SIPA1L3: variants seen among roughly 807,000 people sequenced by gnomAD.
SIPA1L3 encodes signal-induced proliferation-associated 1-like protein 3.
A neutral mutation model predicts 150.1 loss-of-function variants in SIPA1L3; 59 were observed. The observed-to-expected ratio is 0.39, with a 90% confidence interval of 0.32 to 0.49. SIPA1L3 has a LOEUF of 0.49. Ranked by LOEUF, SIPA1L3 falls within the 20% of genes least tolerant of loss-of-function variation. The pLI, the probability that SIPA1L3 is intolerant of heterozygous loss-of-function variation, is 0.86. For missense variants in SIPA1L3, 2,211 were observed against 2,489.5 expected (o/e 0.89, Z 2.38); for synonymous variants, 1,070 against 1,077.6 (o/e 0.99, Z 0.14).
chr19:38,075,427 G>T (rs1969816649), intron 2 of SIPA1L3, among the ~76,000 whole-genome samples: 1 of 151,930 alleles, frequency 6.6e-6, no homozygotes, highest in African/African-American at 2.4e-5. Flanking sequence ...CTGCACTCCA[G>T]CCTGGGTGAC....
intron 8 of SIPA1L3, among the ~76,000 whole-genome samples, chr19:38,117,885 A>G (rs924248804): frequency 6.6e-6 from 1 of 151,854 alleles, no homozygotes; most frequent in African/African-American, 2.4e-5. Context: ...TCCTAGATTC[A>G]AGTGATTCTC....
intron 1 of SIPA1L3, among the ~76,000 whole-genome samples, chr19:37,957,365 G>A (rs1217190481): frequency 1.3e-5 from 2 of 152,160 alleles, no homozygotes; most frequent in African/African-American, 4.8e-5. Flanking sequence ...TCAATATGGT[G>A]AGAATTGCCA....
At chr19:38,184,215 G>C (rs539539175) in intron 16 of SIPA1L3, among the ~76,000 whole-genome samples, 1 of 150,550 alleles carries the variant, frequency 6.6e-6, no homozygotes, top group African/African-American at 2.4e-5. Flanking sequence ...TTTCATTCTT[G>C]TTGCCCAGGC....
chr19:37,978,121 G>T (rs1329453976), intron 1 of SIPA1L3, among the ~76,000 whole-genome samples: 1 of 152,256 alleles, frequency 6.6e-6, no homozygotes, highest in Non-Finnish European at 1.5e-5. Context: ...CGGTGTGACA[G>T]TTGAGGGCAG....
chr19:38,045,988 TTTCA>T (rs1224518668), intron 2 of SIPA1L3, among the ~76,000 whole-genome samples: 18 of 152,300 alleles, frequency 1.2e-4, no homozygotes, highest in African/African-American at 4.3e-4. Context: ...CTGTGTGCAC[TTTCA>T]AGCCTTGATG....
intron 1 of SIPA1L3, among the ~76,000 whole-genome samples, chr19:38,021,544 CTTT>C (rs34706897): frequency 3.5e-5 from 5 of 143,474 alleles, no homozygotes; most frequent in African/African-American, 1.3e-4. Flanking sequence ...GAGTCTGATC[CTTT>C]TTTTTTTTTT....
chr19:37,944,433 AG>A (rs2046691132), intron 1 of SIPA1L3, among the ~76,000 whole-genome samples: 1 of 152,156 alleles, frequency 6.6e-6, no homozygotes, highest in African/African-American at 2.4e-5. Flanking sequence ...CCTGGGTTCA[AG>A]TCCTAGTATT....
At chr19:37,943,062 CAG>C (rs907451053) in intron 1 of SIPA1L3, among the ~76,000 whole-genome samples, 2 of 110,848 alleles carry the variant, frequency 1.8e-5, no homozygotes, top group African/African-American at 7.3e-5. Context: ...TTTGTAGAGA[CAG>C]GGTCTTGCTG....
chr19:37,944,505 C>T (rs1458754205), intron 1 of SIPA1L3, among the ~76,000 whole-genome samples: 1 of 152,094 alleles, frequency 6.6e-6, no homozygotes, highest in African/African-American at 2.4e-5. Context: ...TTGATTTCTC[C>T]ATCTTTAAAA....
intron 1 of SIPA1L3, among the ~76,000 whole-genome samples, chr19:37,930,733 T>G (rs1273348540): frequency 6.6e-6 from 1 of 152,144 alleles, no homozygotes; most frequent in Non-Finnish European, 1.5e-5. Context: ...TGTCTTAGTT[T>G]CCGTATCTGT....
Position 38,206,428 on chromosome 19 carries a change from C to A in SIPA1L3, c.*188C>A. On this transcript the variant is annotated 3_prime_UTR_variant, in exon 22 of 22. Coordinates refer to ENST00000222345, the MANE Select transcript of SIPA1L3 (RefSeq NM_015073.3). The stretch of plus-strand genomic sequence containing the variant: ...AGGGTCAGCGCGCACAGCCCTCATG[C>A]CCCAGAGGGCGAAGTGGTCTCAGGC... 4.6e-6 allele frequency: 3 copies of A among 646,012 alleles called. No individual in the cohort carries two copies. The highest frequency in any genetic ancestry group is 3.2e-5 in the East Asian group (1 of 31,240). 40.0% of individuals were successfully genotyped at this position (646,012 alleles called of 1,614,324 possible).
At chr19:37,948,478 A>G (rs1259540434) in intron 1 of SIPA1L3, among the ~76,000 whole-genome samples, 2 of 152,046 alleles carry the variant, frequency 1.3e-5, no homozygotes, top group African/African-American at 2.4e-5. Context: ...AAAAAAAGAA[A>G]AAAAAAAAAA....
intron 1 of SIPA1L3, among the ~76,000 whole-genome samples, chr19:37,972,315 T>C (rs1179171325): frequency 1.3e-5 from 2 of 152,126 alleles, no homozygotes; most frequent in Non-Finnish European, 2.9e-5. Context: ...AATACGAAGA[T>C]AAATTTGTGA....
rs150424036 is a variant in SIPA1L3, at chr19:38,005,973, C to G, written c.-378-23116C>G. On this transcript the variant is annotated intron_variant, in intron 1 of 21. Coordinates refer to ENST00000222345, the MANE Select transcript of SIPA1L3 (RefSeq NM_015073.3). Reference sequence around the variant, plus strand: ...TGAGGGGGGAAGATTGCTTAAGCCCCCGAGGTTGAGCTATGATCCCACCAC... The same window carrying G: ...TGAGGGGGGAAGATTGCTTAAGCCCGCGAGGTTGAGCTATGATCCCACCAC... 9.7e-4 allele frequency among the ~76,000 whole-genome samples: 147 copies of G among 152,250 alleles called. 2 individuals are homozygous for G. The East Asian group carries it at 0.019, about 20-fold the overall frequency.
chr19:38,039,233 T>C (rs1968856057), intron 2 of SIPA1L3, among the ~76,000 whole-genome samples: 1 of 152,076 alleles, frequency 6.6e-6, no homozygotes, highest in South Asian at 2.1e-4. Context: ...AAAAAAGAAA[T>C]CAAAGGACCC....
intron 3 of SIPA1L3, among the ~76,000 whole-genome samples, chr19:38,084,399 G>C (rs1364228380): frequency 1.3e-5 from 2 of 151,972 alleles, no homozygotes; most frequent in Admixed American, 6.6e-5. Context: ...AAAAATTGCA[G>C]CCTCCGGCAT....
rs761725492 is a variant in SIPA1L3, at chr19:38,130,501, A to T, written c.2872A>T (p.Met958Leu). The T allele has an allele frequency of 1.4e-5, 23 of 1,610,272 alleles. No individual in the cohort carries two copies. The South Asian group carries it at 2.2e-4, about 15-fold the overall frequency. Residue 958 changes from methionine (M) to leucine (L), a missense_variant, in exon 10 of 22, where the codon ATG (methionine) becomes TTG (leucine). Coordinates refer to ENST00000222345, the MANE Select transcript of SIPA1L3 (RefSeq NM_015073.3). ...IREIVQRLKV[M>L]TSGWETVDMT... The stretch of plus-strand genomic sequence containing the variant: ...CGATCCTGCCTGTGGCCTGCAGGTG[A>T]TGACCAGTGGCTGGGAGACGGTGGA...
At chr19:38,068,020 ATTT>A (rs35795522) in intron 2 of SIPA1L3, among the ~76,000 whole-genome samples, 22,144 of 135,746 alleles carry the variant, frequency 0.16, 1,707 homozygotes, top group African/African-American at 0.2. Context: ...GAAAAATCAG[ATTT>A]TTTTTTTTTT....
chr19:38,030,244 G>A (rs557512505), intron 2 of SIPA1L3, among the ~76,000 whole-genome samples: 85 of 152,242 alleles, frequency 5.6e-4, no homozygotes, highest in African/African-American at 1.9e-3. Flanking sequence ...GCCCCACTAT[G>A]TGAATGTACT....
Sources: gnomAD v4.1 joint callset for allele counts (sites outside exome capture counted in the v4.1 genomes callset) on GRCh38, gnomAD v4.1.1 for gene constraint, MANE v1.5 for transcripts, NCBI Gene and HGNC (gene_info 2026-07-23, HGNC 2026-07-21) for gene names.